ZNF469: variants seen among roughly 807,000 people sequenced by gnomAD.
ZNF469 encodes zinc finger protein 469.
Under a neutral mutation model 1.0 loss-of-function variants are expected in ZNF469, and 1 was observed. The ratio of observed to expected loss-of-function variants is 1.00; its 90% CI spans 0.35 to 4.73. ZNF469 has a LOEUF of 4.73. Among genes scored for constraint, ZNF469 ranks in the 30% most tolerant of loss-of-function variants. ZNF469 has a pLI of 0.16. For missense variants in ZNF469, 6,100 were observed against 5,356.3 expected, an observed-to-expected ratio of 1.14 and a Z score of -4.33; for synonymous variants, 2,703 against 2,363.4, an observed-to-expected ratio of 1.14 and a Z score of -4.17.
the ZNF469 span, among the ~76,000 whole-genome samples, chr16:88,273,723 A>G: frequency 3.3e-5 from 5 of 152,184 alleles, no homozygotes; most frequent in East Asian, 5.8e-4. Context: ...ACTATTCACA[A>G]CTGCTAAAAG....
Position 88,429,852 on chromosome 16 carries a change from G to A in ZNF469, c.2382G>A (p.Ala794=), listed in dbSNP as rs895913994. The change falls in exon 3 of 3, where the codon GCG becomes GCA. Residue 794 remains alanine (A), a synonymous_variant. Coordinates refer to ENST00000565624, the MANE Select transcript of ZNF469 (RefSeq NM_001367624.2). ...ADAHAGLLSH[A]KTFLLAGDAQ... ...CACACGCGGGCTTGCTCAGCCACGCGAAGACCTTCCTGTTAGCTGGGGACG... is the reference window on the plus strand; with the variant it reads ...CACACGCGGGCTTGCTCAGCCACGCAAAGACCTTCCTGTTAGCTGGGGACG... 1.9e-6 allele frequency: 3 copies of A among 1,549,546 alleles called. No individual in the cohort carries two copies. Among genetic ancestry groups the A allele is most frequent in the African/African-American group, 1.4e-5 (1 of 73,020 alleles).
At chr16:88,384,256 G>C (rs1392347281) in intron 1 of ZNF469, among the ~76,000 whole-genome samples, 3 of 152,198 alleles carry the variant, frequency 2.0e-5, no homozygotes, top group Non-Finnish European at 4.4e-5. Context: ...TAGTGTCGTG[G>C]ACAGCCCCTG....
the ZNF469 span, among the ~76,000 whole-genome samples, chr16:88,247,054 AGTG>A: frequency 5.4e-4 from 48 of 88,492 alleles, no homozygotes; most frequent in African/African-American, 4.2e-3. Flanking sequence ...TGAATGAGTG[AGTG>A]ATTGAGTGAG....
At chr16:88,164,276 T>C in the ZNF469 span, among the ~76,000 whole-genome samples, 1 of 151,566 alleles carries the variant, frequency 6.6e-6, no homozygotes, top group Non-Finnish European at 1.5e-5. Flanking sequence ...GATATGTGGA[T>C]GGGTAGATGA....
At chr16:88,188,878 A>G in the ZNF469 span, among the ~76,000 whole-genome samples, 2 of 152,096 alleles carry the variant, frequency 1.3e-5, no homozygotes, top group Admixed American at 6.5e-5. Context: ...TGTGGGCACC[A>G]TGCACCACTC....
rs1012297676 is a variant in ZNF469, at chr16:88,436,987, G to C, written c.9517G>C (p.Gly3173Arg). 121 of 1,515,588 alleles carry C rather than the reference G, an allele frequency of 8.0e-5. 1 individual carries two copies. The highest frequency in any genetic ancestry group is 2.6e-6 in the Non-Finnish European group (3 of 1,133,728). 93.9% of individuals were successfully genotyped at this position (1,515,588 alleles called of 1,614,324 possible). Reference sequence around the variant, plus strand: ...GGAGAGGCACGCGCAGAGCAAGGCCGGGCCCTGGGCGTGCGGCATGTGCCT... The same window carrying C: ...GGAGAGGCACGCGCAGAGCAAGGCCCGGCCCTGGGCGTGCGGCATGTGCCT... ...LQERHAQSKA[G>R]PWACGMCLKE... The change falls in exon 3 of 3, where the codon GGG becomes CGG. Residue 3173 changes from glycine (G) to arginine (R), a missense_variant. Gly to Arg is a moderately radical substitution (Grantham distance 125). Transcript: ENST00000565624.
In ZNF469 at chr16:88,434,366, C is replaced by T; in HGVS notation, c.6896C>T (p.Ala2299Val). 5 of 1,550,114 alleles carry T rather than the reference C, an allele frequency of 3.2e-6. No homozygotes were observed. Among genetic ancestry groups the T allele is most frequent in the Non-Finnish European group, 4.4e-6 (5 of 1,146,962 alleles). The change falls in exon 3 of 3, where the codon GCA (alanine) becomes GTA (valine). Residue 2299 changes from alanine to valine, a missense_variant. By Grantham distance (64) the Ala-to-Val change is moderately conservative. Coordinates refer to ENST00000565624, the MANE Select transcript of ZNF469 (RefSeq NM_001367624.2). The stretch of plus-strand genomic sequence containing the variant: ...ACTCCCACCGGAGATGAGGCACAGG[C>T]AGGCAGGGGACTCCCAGGGCCAGAC... ...SSTPTGDEAQ[A>V]GRGLPGPDPQ... is the part of the protein sequence containing the mutation.
At chr16:88,233,421 T>C in the ZNF469 span, among the ~76,000 whole-genome samples, 1 of 152,228 alleles carries the variant, frequency 6.6e-6, no homozygotes. Context: ...ATCATTGCCG[T>C]CTTCCTGGCC....
upstream of ZNF469, among the ~76,000 whole-genome samples, chr16:88,380,704 TCAGACATGCACTCATACACACA>T (rs1339559322): frequency 9.5e-3 from 892 of 93,988 alleles, 15 homozygotes; most frequent in African/African-American, 0.035. Flanking sequence ...GCACTCACAC[TCAGACATGCACTCATACACACA>T]CAGACATGCA....
Position 88,433,061 on chromosome 16 carries a change from C to G in ZNF469, c.5591C>G (p.Ser1864Ter). Residue 1864 changes from serine (S) to a stop codon, truncating the protein, a stop_gained, in exon 3 of 3, where the codon TCA (serine) becomes TGA (stop). Coordinates refer to ENST00000565624, the MANE Select transcript of ZNF469 (RefSeq NM_001367624.2). LOFTEE classifies it low-confidence loss of function (END_TRUNC). ...GNEFAPAGAS[S>*]LTAPRGREAW... ...GAGTTTGCACCGGCGGGGGCCTCCT[C>G]ACTGACTGCCCCCCGGGGCAGGGAG... 1 of 1,550,284 alleles carries G rather than the reference C, an allele frequency of 6.5e-7. No individual in the cohort carries two copies. Among genetic ancestry groups the G allele is most frequent in the South Asian group, 1.2e-5 (1 of 84,066 alleles).
At chr16:88,114,990 G>A in the ZNF469 span, among the ~76,000 whole-genome samples, 5 of 152,140 alleles carry the variant, frequency 3.3e-5, no homozygotes, top group African/African-American at 9.7e-5. Context: ...TTCTGGGGCC[G>A]GGGAAGCAGA....
At chr16:88,164,600 T>C in the ZNF469 span, among the ~76,000 whole-genome samples, 3 of 152,268 alleles carry the variant, frequency 2.0e-5, no homozygotes, top group East Asian at 5.8e-4. Context: ...TCTGAGTTTT[T>C]TCCCTTTTTA....
chr16:88,437,179 A>G lies in ZNF469; in HGVS notation c.9709A>G (p.Lys3237Glu). Residue 3237 changes from lysine (K) to glutamate (E), a missense_variant, in exon 3 of 3, where the codon AAA becomes GAA. By Grantham distance (56) the Lys-to-Glu change is moderately conservative. Coordinates refer to ENST00000565624, the MANE Select transcript of ZNF469 (RefSeq NM_001367624.2). ...GAACAGCATCACGGAACCCGCGCCC[A>G]AACACCACAGGGGCAAGCGCTCCGC... ...LLNSITEPAP[K>E]HHRGKRSAGK... The G allele has an allele frequency of 6.5e-7, 1 of 1,549,518 alleles. No homozygotes were observed. Among genetic ancestry groups the G allele is most frequent in the Non-Finnish European group, 8.7e-7 (1 of 1,146,582 alleles).
the ZNF469 span, among the ~76,000 whole-genome samples, chr16:88,289,270 A>ATGG: frequency 0.44 from 64,490 of 148,154 alleles, 15,329 homozygotes; most frequent in African/African-American, 0.67. Flanking sequence ...GATGGTGATG[A>ATGG]TGGTGAGGGT....
chr16:88,289,438 A>G, the ZNF469 span, among the ~76,000 whole-genome samples: 1 of 122,264 alleles, frequency 8.2e-6, no homozygotes, highest in African/African-American at 3.8e-5. Flanking sequence ...AAGGGTGATG[A>G]TGATATGATG....
chr16:88,246,233 C>T, the ZNF469 span, among the ~76,000 whole-genome samples: 3 of 152,250 alleles, frequency 2.0e-5, no homozygotes, highest in Non-Finnish European at 4.4e-5. Context: ...TGTGTTCATT[C>T]ACTTACTCAT....
At position 88,437,996 on chromosome 16, in the gene ZNF469, T is replaced by A. The variant is rs1906721534; in HGVS notation, c.10526T>A (p.Leu3509His). The change falls in exon 3 of 3, where the codon CTC (leucine) becomes CAC (histidine). Residue 3509 changes from leucine (L) to histidine (H), a missense_variant. Physicochemically the swap from Leu to His is moderately conservative, Grantham distance 99. Coordinates refer to ENST00000565624, the MANE Select transcript of ZNF469 (RefSeq NM_001367624.2). ...ILSEGSLPAL[L>H]HLCSEVAPST... ...AGTGAGGGCTCTCTCCCGGCCCTGC[T>A]CCACCTGTGTTCGGAGGTGGCTCCC... 3 of 1,549,012 alleles carry A rather than the reference T, an allele frequency of 1.9e-6. No individual in the cohort carries two copies. Among genetic ancestry groups the A allele is most frequent in the Non-Finnish European group, 2.6e-6 (3 of 1,146,900 alleles).
the ZNF469 span, among the ~76,000 whole-genome samples, chr16:88,198,940 G>A: frequency 1.8e-4 from 27 of 152,338 alleles, no homozygotes; most frequent in South Asian, 5.2e-3. Context: ...ACTCCAGGGC[G>A]GCTGCTTGAC....
At chr16:88,343,208 C>T in the ZNF469 span, among the ~76,000 whole-genome samples, 13 of 152,198 alleles carry the variant, frequency 8.5e-5, no homozygotes, top group East Asian at 5.8e-4. Context: ...CCTGGACCTC[C>T]GTCCAGAGCT....
Sources: gnomAD v4.1 joint callset for allele counts (sites outside exome capture counted in the v4.1 genomes callset) on GRCh38, gnomAD v4.1.1 for gene constraint, MANE v1.5 for transcripts, NCBI Gene and HGNC (gene_info 2026-07-23, HGNC 2026-07-21) for gene names.